ERP44: variants seen among roughly 807,000 people sequenced by gnomAD.
ERP44 encodes the protein endoplasmic reticulum resident protein 44.
A neutral mutation model predicts 53.4 loss-of-function variants in ERP44; 25 were observed. That is an observed-to-expected ratio of 0.47 (90% CI 0.34 to 0.65). The LOEUF (loss-of-function observed/expected upper bound fraction) is 0.65. Among genes scored for constraint, ERP44 ranks in the 30% least tolerant of loss-of-function variants. The probability of loss-of-function intolerance (pLI) is 0.01; values close to 1 mark genes in which losing one functional copy is unlikely to be tolerated. For synonymous variants in ERP44, 145 were observed against 161.2 expected (o/e 0.90, Z 0.76); for missense variants, 338 against 493.2 (o/e 0.69, Z 2.98).
Position 99,979,810 on chromosome 9 carries a change from C to CAAGT in ERP44, c.*2798_*2801dup, listed in dbSNP as rs71370978. On this transcript the variant is annotated 3_prime_UTR_variant, in exon 12 of 12. Transcript: ENST00000262455. ...TCTGATTCACGGTTCAGAGGGGGAA[C>CAAGT]AAGTCTAAATTTGAGACGTGCTTCC... 0.35 allele frequency: 139,658 copies of CAAGT among 395,560 alleles called. 27,810 individuals are homozygous for CAAGT. Among genetic ancestry groups the CAAGT allele is most frequent in the Non-Finnish European group, 0.43 (97,068 of 224,574 alleles). 24.5% of individuals were successfully genotyped at this position (395,560 alleles called of 1,614,324 possible).
At chr9:100,000,994 T>G (rs552807793) in intron 10 of ERP44, among the ~76,000 whole-genome samples, 88 of 152,290 alleles carry the variant, frequency 5.8e-4, no homozygotes, top group African/African-American at 2.0e-3. Flanking sequence ...AAAACTTCCT[T>G]CCTAAAACTA....
intron 4 of ERP44, among the ~76,000 whole-genome samples, chr9:100,036,671 G>C (rs1388392485): frequency 6.6e-6 from 1 of 151,824 alleles, no homozygotes; most frequent in Non-Finnish European, 1.5e-5. Flanking sequence ...AGTTGAAAAT[G>C]AACAAAAAAG....
At chr9:100,096,408 T>C (rs1224741716) in intron 1 of ERP44, among the ~76,000 whole-genome samples, 4 of 151,592 alleles carry the variant, frequency 2.6e-5, no homozygotes, top group Non-Finnish European at 5.9e-5. Flanking sequence ...AATATATATA[T>C]AAAAGATATA....
chr9:100,096,358 T>C (rs1207020403), intron 1 of ERP44, among the ~76,000 whole-genome samples: 1 of 151,812 alleles, frequency 6.6e-6, no homozygotes, highest in East Asian at 1.9e-4. Context: ...AATCTATCTA[T>C]CTAAATATAT....
At chr9:99,998,611 T>G (rs1324436461) in intron 10 of ERP44, 1 of 756,676 alleles carries the variant, frequency 1.3e-6, no homozygotes, top group African/African-American at 1.7e-5. Flanking sequence ...GCTGTCTTTG[T>G]GCTTCAGATT....
At position 100,063,075 on chromosome 9, in the gene ERP44, CAA is replaced by C. The variant is rs58004954; in HGVS notation, c.58-2905_58-2904del. Among the ~76,000 whole-genome samples the C allele has an allele frequency of 3.5e-4, 14 of 40,066 alleles. 2 individuals are homozygous for C. The South Asian group carries it at 7.5e-3, about 21-fold the overall frequency. The allele number at this position is 40,066 out of a possible 152,430, so 26.3% of individuals were successfully genotyped here. A position where few individuals can be genotyped will look rare whatever the true frequency, so the allele number is the denominator to read the frequency against. On this transcript the variant is annotated intron_variant, in intron 1 of 11. Transcript: ENST00000262455. ...GATGACAGAACAGGACCCTGTCTCA[CAA>C]AAAAAAAAAAAAAAAAGAGAGAGAG...
rs776491816 is a variant in ERP44, at chr9:100,007,687, T to C, written c.765A>G (p.Glu255=). Residue 255 remains glutamate, a splice_region_variant and synonymous_variant, in exon 9 of 12, where the codon GAA becomes GAG. Transcript: ENST00000262455. ...GAAAAGGCAGTCCTTCTTCTGTCAA[T>C]TCCTGTAGAGAGAAGCATTCAATGA... is the stretch of plus-strand genomic sequence containing the variant. ...VREITFENGE[E]LTEEGLPFLI... 3 of 1,472,166 alleles carry C rather than the reference T, an allele frequency of 2.0e-6. No homozygotes were observed. Among genetic ancestry groups the C allele is most frequent in the Non-Finnish European group, 2.9e-6 (3 of 1,050,564 alleles). 91.2% of individuals were successfully genotyped at this position (1,472,166 alleles called of 1,614,324 possible). A position where few individuals can be genotyped will look rare whatever the true frequency, so the allele number is the denominator to read the frequency against.
At chr9:100,003,499 G>A (rs1402639917) in intron 10 of ERP44, among the ~76,000 whole-genome samples, 2 of 152,226 alleles carry the variant, frequency 1.3e-5, no homozygotes, top group Admixed American at 6.5e-5. Context: ...CCAGCTGCCT[G>A]CTATGGTCCA....
intron 4 of ERP44, among the ~76,000 whole-genome samples, chr9:100,051,410 T>A (rs1826035765): frequency 6.6e-6 from 1 of 152,112 alleles, no homozygotes. Flanking sequence ...TTTTAATCAG[T>A]AGGTTAAGTA....
chr9:100,011,377 T>C (rs918863785), intron 8 of ERP44, among the ~76,000 whole-genome samples: 6 of 152,188 alleles, frequency 3.9e-5, no homozygotes, highest in African/African-American at 1.4e-4. Flanking sequence ...TTATGCATGC[T>C]ATGTCCAATC....
At chr9:100,065,574 A>G (rs1826202613) in intron 1 of ERP44, among the ~76,000 whole-genome samples, 1 of 152,216 alleles carries the variant, frequency 6.6e-6, no homozygotes, top group Admixed American at 6.5e-5. Flanking sequence ...AAAATATCTC[A>G]TTGTACATCA....
At chr9:100,046,576 T>C (rs1202792157) in intron 4 of ERP44, among the ~76,000 whole-genome samples, 1 of 152,074 alleles carries the variant, frequency 6.6e-6, no homozygotes, top group South Asian at 2.1e-4. Flanking sequence ...ATCCAAGACA[T>C]GTAGGCTGAA....
chr9:100,007,523 GA>G lies in ERP44; in HGVS notation c.874+54del, dbSNP rs1564088408. 35 of 924,134 alleles carry G rather than the reference GA, an allele frequency of 3.8e-5. 1 individual carries two copies. In the South Asian group the frequency reaches 4.4e-4, roughly 12 times the overall value. 57.2% of individuals were successfully genotyped at this position (924,134 alleles called of 1,614,324 possible). ...AAATGGGAGAGGAGATGATGAAAGG[GA>G]AAAAAAGAAAAGAGAGAAAGAAATG... On this transcript the variant is annotated intron_variant, in intron 9 of 11. Coordinates refer to ENST00000262455, the MANE Select transcript of ERP44 (RefSeq NM_015051.3).
chr9:99,997,997 A>T (rs1830331848), intron 10 of ERP44, among the ~76,000 whole-genome samples: 1 of 152,038 alleles, frequency 6.6e-6, no homozygotes, highest in South Asian at 2.1e-4. Flanking sequence ...ATCCAATACT[A>T]ACTTTCTTCC....
chr9:100,067,402 G>A (rs564475215), intron 1 of ERP44, among the ~76,000 whole-genome samples: 134 of 152,304 alleles, frequency 8.8e-4, no homozygotes, highest in African/African-American at 2.9e-3. Flanking sequence ...TGTGTTGGCC[G>A]GGCTGGTCTC....
At chr9:100,010,685 T>A (rs1441542110) in intron 8 of ERP44, among the ~76,000 whole-genome samples, 2 of 152,074 alleles carry the variant, frequency 1.3e-5, no homozygotes, top group Admixed American at 6.6e-5. Context: ...GTGGATCACC[T>A]GAGGTCAGAG....
chr9:100,061,696 C>T (rs1232069748), intron 1 of ERP44, among the ~76,000 whole-genome samples: 2 of 150,764 alleles, frequency 1.3e-5, no homozygotes, highest in African/African-American at 4.9e-5. Flanking sequence ...TTACCATTAA[C>T]GGTGTAGCCA....
Position 100,051,240 on chromosome 9 carries a change from T to C in ERP44, c.286+1177A>G, listed in dbSNP as rs545704621. Reference sequence around the variant, plus strand: ...AAGCTATACCAATAACTCCCCAAAATGTTTGAACAGAAAAGAGCAAATGAA... The same window carrying C: ...AAGCTATACCAATAACTCCCCAAAACGTTTGAACAGAAAAGAGCAAATGAA... On this transcript the variant is annotated intron_variant, in intron 4 of 11. Transcript: ENST00000262455. 3.9e-5 allele frequency among the ~76,000 whole-genome samples: 6 copies of C among 152,270 alleles called. No homozygotes were observed. The East Asian group carries it at 5.8e-4, about 15-fold the overall frequency.
chr9:99,994,298 T>C (rs569555945), intron 10 of ERP44, among the ~76,000 whole-genome samples: 1 of 152,310 alleles, frequency 6.6e-6, no homozygotes, highest in South Asian at 2.1e-4. Flanking sequence ...GTGGCACATA[T>C]ACACCGTGGA....
Sources: gnomAD v4.1 joint callset for allele counts (sites outside exome capture counted in the v4.1 genomes callset) on GRCh38, gnomAD v4.1.1 for gene constraint, MANE v1.5 for transcripts, NCBI Gene and HGNC (gene_info 2026-07-23, HGNC 2026-07-21) for gene names.